Variants in BOP1 observed in about 807,000 individuals in gnomAD.
The protein encoded by BOP1 is BOP1 ribosomal biogenesis factor.
Under a neutral mutation model 82.9 loss-of-function variants are expected in BOP1, and 54 were observed. The ratio of observed to expected loss-of-function variants is 0.65; its 90% CI spans 0.52 to 0.82. The LOEUF is 0.82. Among genes scored for constraint, BOP1 ranks in the 40% least tolerant of loss-of-function variants. The probability of loss-of-function intolerance (pLI) is 0.00; values close to 1 mark genes in which losing one functional copy is unlikely to be tolerated. For synonymous variants in BOP1, 566 were observed against 451.1 expected (o/e 1.25, Z -3.23); for missense variants, 1,170 against 1,072.0 (o/e 1.09, Z -1.28).
At chr8:144,271,553 C>G (rs751695602) in intron 3 of BOP1, among the ~76,000 whole-genome samples, 5 of 152,192 alleles carry the variant, frequency 3.3e-5, no homozygotes, top group Non-Finnish European at 7.4e-5. Context: ...TCCTGTGCGA[C>G]GTGAGGCCGC....
intron 3 of BOP1, chr8:144,266,736 C>A: frequency 9.0e-7 from 1 of 1,106,986 alleles, no homozygotes; most frequent in East Asian, 7.6e-5. Flanking sequence ...AACCCTGTCG[C>A]GTGCACGCGG....
intron 3 of BOP1, chr8:144,267,099 C>CCCGCCGCCT (rs1845390307): frequency 7.0e-7 from 1 of 1,431,962 alleles, no homozygotes; most frequent in Non-Finnish European, 9.1e-7. Flanking sequence ...CGCCGCCGCC[C>CCCGCCGCCT]CCGCCGCCTC....
At chr8:144,289,974 G>C (rs565544471) in intron 1 of BOP1, among the ~76,000 whole-genome samples, 1 of 152,346 alleles carries the variant, frequency 6.6e-6, no homozygotes, top group African/African-American at 2.4e-5. Context: ...CTGCCTCTGA[G>C]CAGAGCCCTG....
At chr8:144,281,444 T>C (rs71515609) in intron 2 of BOP1, among the ~76,000 whole-genome samples, 1 of 2,144 alleles carries the variant, frequency 4.7e-4, no homozygotes. Flanking sequence ...TTTGGCCTTC[T>C]CTCAGTTTAA....
In BOP1 at chr8:144,264,610, C is replaced by T; in HGVS notation, c.670G>A (p.Val224Ile). The T allele has an allele frequency of 6.3e-7, 1 of 1,598,360 alleles. No individual in the cohort carries two copies. Among genetic ancestry groups the T allele is most frequent in the Non-Finnish European group, 8.5e-7 (1 of 1,172,498 alleles). The change falls in exon 6 of 16, where the codon GTC (valine) becomes ATC (isoleucine). Residue 224 changes from valine to isoleucine, a missense_variant. Transcript: ENST00000569669. ...ATGACGTCCCCGCTGAAGAAGTCGA[C>T]AGCCGGCTGGGGGAGAAGATGTGGG... ...DVGFNPYEPA[V>I]DFFSGDVMIH...
At chr8:144,274,142 C>T (rs1438360164) in intron 3 of BOP1, among the ~76,000 whole-genome samples, 1 of 152,136 alleles carries the variant, frequency 6.6e-6, no homozygotes, top group African/African-American at 2.4e-5. Flanking sequence ...AGCATCACAG[C>T]CACTGCCACC....
chr8:144,267,877 G>A (rs1025350584), intron 3 of BOP1, among the ~76,000 whole-genome samples: 44 of 152,352 alleles, frequency 2.9e-4, no homozygotes, highest in African/African-American at 1.0e-3. Context: ...TCTCCAGACA[G>A]CACGCGCGAG....
chr8:144,272,460 C>T (rs1240188141), intron 3 of BOP1, among the ~76,000 whole-genome samples: 9 of 152,188 alleles, frequency 5.9e-5, no homozygotes, highest in African/African-American at 1.7e-4. Context: ...AGCCTGCAGC[C>T]GTCACCACCT....
chr8:144,264,300 A>C lies in BOP1; in HGVS notation c.903T>G (p.Pro301=). The C allele has an allele frequency of 6.2e-7, 1 of 1,611,074 alleles. No homozygotes were observed. Among genetic ancestry groups the C allele is most frequent in the Admixed American group, 1.7e-5 (1 of 59,920 alleles). Residue 301 remains proline (P), a synonymous_variant, in exon 7 of 16, where the codon CCT becomes CCG. Transcript: ENST00000569669. ...GGCCTGGCAGGGCCAGCTTGGGAGC[A>C]GGTACGTGCATCTTGTGGCGCCCGA... ...AVLGRHKMHV[P]APKLALPGHA... is the part of the protein sequence containing the mutation.
chr8:144,289,638 G>T (rs578203369), intron 1 of BOP1, among the ~76,000 whole-genome samples: 23 of 152,222 alleles, frequency 1.5e-4, no homozygotes, highest in Middle Eastern at 3.4e-3. Context: ...ACCACCCACT[G>T]ACACTCCGGA....
rs947448039 is a variant in BOP1, at chr8:144,278,095, A to G, written c.310-1791T>C. Among the ~76,000 whole-genome samples, 11 of 152,064 alleles carry G rather than the reference A, an allele frequency of 7.2e-5. 1 individual carries two copies. The highest frequency in any genetic ancestry group is 3.9e-4 in the Admixed American group (6 of 15,268). ...CGCAGTGTGCGTGGCCTGACTGAGG[A>G]GGGGTCGGGCCCGATGGAGCACGAG... On this transcript the variant is annotated intron_variant, in intron 2 of 15. Coordinates refer to ENST00000569669, the MANE Select transcript of BOP1 (RefSeq NM_015201.5).
chr8:144,276,375 G>T (rs1334122668), intron 2 of BOP1, 71 bp from the exon 3 acceptor site: 1 of 1,548,478 alleles, frequency 6.5e-7, no homozygotes, highest in African/African-American at 1.4e-5. Flanking sequence ...GGGATCCCAG[G>T]AAGCCCACCA....
chr8:144,282,309 G>A (rs1554839036), intron 2 of BOP1, among the ~76,000 whole-genome samples: 2 of 152,356 alleles, frequency 1.3e-5, no homozygotes, highest in South Asian at 2.1e-4. Flanking sequence ...GTCAACAGCT[G>A]GAAGGGCAGG....
At chr8:144,278,015 C>T (rs933546827) in intron 2 of BOP1, among the ~76,000 whole-genome samples, 9 of 152,246 alleles carry the variant, frequency 5.9e-5, no homozygotes, top group African/African-American at 2.2e-4. Context: ...GGACCCCCTC[C>T]CGCCACGCCC....
In BOP1 at chr8:144,273,376, G is replaced by GA. The variant is rs111355216; in HGVS notation, c.390+2847_390+2848insT. ...CGAGGAGCTGCCAGGCTGCACCCCA[G>GA]CCCCAGACTCCAGACTCCAGTGGAG... On this transcript the variant is annotated intron_variant, in intron 3 of 15. Transcript: ENST00000569669. 9.5e-4 allele frequency among the ~76,000 whole-genome samples: 143 copies of GA among 150,060 alleles called. 2 individuals are homozygous for GA. Among genetic ancestry groups the GA allele is most frequent in the African/African-American group, 3.3e-3 (130 of 39,652 alleles).
chr8:144,262,553 C>T (rs1016809644), intron 14 of BOP1, 35 bp downstream of exon 14: 1 of 1,612,540 alleles, frequency 6.2e-7, no homozygotes, highest in Admixed American at 1.7e-5. Flanking sequence ...AAGGGAGGGG[C>T]TCTGCTGGCC....
At chr8:144,289,801 G>C (rs1158750822) in intron 1 of BOP1, among the ~76,000 whole-genome samples, 2 of 152,158 alleles carry the variant, frequency 1.3e-5, no homozygotes, top group African/African-American at 2.4e-5. Flanking sequence ...GGTCCCCAAA[G>C]GGCTTTTACC....
chr8:144,288,075 G>A (rs1240741965), intron 2 of BOP1, among the ~76,000 whole-genome samples: 1 of 152,060 alleles, frequency 6.6e-6, no homozygotes, highest in East Asian at 1.9e-4. Context: ...AGACCAGCCT[G>A]GCCAACATGG....
chr8:144,280,742 G>A (rs1329639783), intron 2 of BOP1, among the ~76,000 whole-genome samples: 2 of 152,170 alleles, frequency 1.3e-5, no homozygotes, highest in Admixed American at 6.5e-5. Flanking sequence ...AATCACAGCG[G>A]GAGGCTGAGG....
Sources: gnomAD v4.1 joint callset for allele counts (sites outside exome capture counted in the v4.1 genomes callset) on GRCh38, gnomAD v4.1.1 for gene constraint, MANE v1.5 for transcripts, NCBI Gene and HGNC (gene_info 2026-07-23, HGNC 2026-07-21) for gene names.